The following USP30 variants were observed in gnomAD, a reference collection of about 807,000 sequenced individuals.
USP30 encodes the protein ubiquitin specific peptidase 30, also known as ubiquitin carboxyl-terminal hydrolase 30.
USP30 carries 41 observed loss-of-function variants against 68.2 expected under a neutral mutation model. That is an observed-to-expected ratio of 0.60 (90% CI 0.47 to 0.78). The LOEUF (loss-of-function observed/expected upper bound fraction) is 0.78, where lower values mean the gene tolerates loss of function less well. Among genes scored for constraint, USP30 ranks in the 30% least tolerant of loss-of-function variants. USP30 has a pLI of 0.00. For synonymous variants in USP30, 229 were observed against 253.7 expected, an observed-to-expected ratio of 0.90 and a Z score of 0.93; for missense variants, 522 against 649.4, an observed-to-expected ratio of 0.80 and a Z score of 2.13.
chr12:109,036,089 G>A (rs1365114300), intron 3 of USP30, among the ~76,000 whole-genome samples: 2 of 152,202 alleles, frequency 1.3e-5, no homozygotes, highest in African/African-American at 4.8e-5. Flanking sequence ...GAGACCAAGA[G>A]GTTGAGGCTG....
chr12:109,062,874 C>G (rs975774034), intron 3 of USP30, among the ~76,000 whole-genome samples: 4 of 152,164 alleles, frequency 2.6e-5, no homozygotes, highest in African/African-American at 9.7e-5. Context: ...CCACTCTCCC[C>G]TCCCCCTAGC....
rs2041978945 is a variant in USP30 at position 109,087,720 on chromosome 12, T to C, written c.*1789T>C. The C allele has an allele frequency of 6.6e-6, 1 of 152,468 alleles. No individual in the cohort carries two copies. The highest frequency in any genetic ancestry group is 2.1e-4 in the South Asian group (1 of 4,846). 9.4% of individuals were successfully genotyped at this position (152,468 alleles called of 1,614,324 possible). A position where few individuals can be genotyped will look rare whatever the true frequency, so the allele number is the denominator to read the frequency against. ...AGAAAAGGGGCTGAGCCTTGGAATA[T>C]ATGGTTATAAGCAGATCTTTCTTTG... On this transcript the variant is annotated 3_prime_UTR_variant, in exon 13 of 13. Coordinates refer to ENST00000257548, the MANE Select transcript of USP30 (RefSeq NM_032663.5).
chr12:109,055,400 A>ATATATATATATATTTTTTTTT (rs1298811530), intron 1 of USP30, among the ~76,000 whole-genome samples: 1 of 24,474 alleles, frequency 4.1e-5, no homozygotes, highest in African/African-American at 1.1e-4. Flanking sequence ...ATATATATAT[A>ATATATATATATATTTTTTTTT]TTTTTTTTTT....
chr12:109,057,663 C>G (rs186425035), intron 2 of USP30, among the ~76,000 whole-genome samples: 1 of 152,320 alleles, frequency 6.6e-6, no homozygotes, highest in East Asian at 1.9e-4. Context: ...TAGGAAGAAC[C>G]AAGCTGTGCT....
chr12:109,086,667 A>C lies in USP30; in HGVS notation c.*736A>C, dbSNP rs1295961355. 1 of 152,056 alleles carries C rather than the reference A, an allele frequency of 6.6e-6. No individual in the cohort carries two copies. The highest frequency in any genetic ancestry group is 2.4e-5 in the African/African-American group (1 of 41,358). 9.4% of individuals were successfully genotyped at this position (152,056 alleles called of 1,614,324 possible). On this transcript the variant is annotated 3_prime_UTR_variant, in exon 13 of 13. Coordinates refer to ENST00000257548, the MANE Select transcript of USP30 (RefSeq NM_032663.5). ...AGATGTAATTACACTGTATTATAAA[A>C]CTCTGTGAATAGCCAGAACTGAGCT...
chr12:109,048,937 G>A (rs1350580317), upstream of USP30, among the ~76,000 whole-genome samples: 1 of 152,134 alleles, frequency 6.6e-6, no homozygotes, highest in African/African-American at 2.4e-5. Context: ...CTGGTCAGCT[G>A]TTGTGTCTAA....
chr12:109,074,477 T>C (rs890841049), intron 7 of USP30, among the ~76,000 whole-genome samples: 14 of 152,332 alleles, frequency 9.2e-5, no homozygotes, highest in African/African-American at 2.6e-4. Context: ...GCTATGCCAT[T>C]TTTCATTCCC....
chr12:109,044,381 C>A (rs1032534263), intron 3 of USP30, among the ~76,000 whole-genome samples: 2 of 152,112 alleles, frequency 1.3e-5, no homozygotes, highest in African/African-American at 4.8e-5. Context: ...CTCACGCCTG[C>A]GATCTGAGCA....
intron 4 of USP30, among the ~76,000 whole-genome samples, chr12:109,067,976 AG>A (rs150207491): frequency 0.03 from 4,595 of 152,248 alleles, 225 homozygotes; most frequent in African/African-American, 0.11. Flanking sequence ...CCAGAGGTTT[AG>A]GTAAGATTTT....
At chr12:109,072,084 G>A (rs2041460653) in intron 5 of USP30, among the ~76,000 whole-genome samples, 1 of 152,144 alleles carries the variant, frequency 6.6e-6, no homozygotes, top group Non-Finnish European at 1.5e-5. Context: ...AAATATTCTG[G>A]AGAGAAGAAA....
chr12:109,071,922 G>A (rs1414048809), intron 5 of USP30, among the ~76,000 whole-genome samples: 4 of 152,126 alleles, frequency 2.6e-5, no homozygotes, highest in African/African-American at 9.7e-5. Context: ...ATTCATTGCT[G>A]CAATTTGTGT....
Position 109,058,074 on chromosome 12 carries a change from G to A in USP30, c.342G>A (p.Gln114=), listed in dbSNP as rs760866911. 1.9e-6 allele frequency: 3 copies of A among 1,613,554 alleles called. No individual in the cohort carries two copies. Among genetic ancestry groups the A allele is most frequent in the Non-Finnish European group, 2.5e-6 (3 of 1,179,842 alleles). ...ATCAGAAGGAGCCCCCCTCACACCA[G>A]TATTTATCCTTAACACTCTTGCACC... ...SRDQKEPPSH[Q]YLSLTLLHLL... is the part of the protein sequence containing the mutation. The change falls in exon 3 of 13, where the codon CAG becomes CAA. Residue 114 remains glutamine, a synonymous_variant. Transcript: ENST00000257548.
rs1449750900 is a variant in USP30, at chr12:109,056,797, A to G, written c.193+6A>G. The G allele has an allele frequency of 6.3e-7, 1 of 1,596,138 alleles. No homozygotes were observed. Among genetic ancestry groups the G allele is most frequent in the South Asian group, 1.1e-5 (1 of 89,488 alleles). On this transcript the variant is annotated splice_donor_region_variant and intron_variant, in intron 2 of 12. Coordinates refer to ENST00000257548, the MANE Select transcript of USP30 (RefSeq NM_032663.5). ...AAGAAAGAAGCGTAGAAAAGGTAAG[A>G]ATGAGAACACTGCATCATGGTCTGT...
intron 11 of USP30, 85 bp downstream of exon 11, chr12:109,083,147 T>A (rs538757846): frequency 4.0e-5 from 54 of 1,352,900 alleles, no homozygotes; most frequent in Non-Finnish European, 5.2e-5. Flanking sequence ...GGGTCCCTTA[T>A]GACAGGAGCA....
chr12:109,081,220 G>A, intron 7 of USP30, 114 bp from the exon 8 acceptor site: 1 of 918,314 alleles, frequency 1.1e-6, no homozygotes, highest in Non-Finnish European at 1.7e-6. Context: ...ATATTTTACT[G>A]TGTTAATGTT....
upstream of USP30, among the ~76,000 whole-genome samples, chr12:109,051,895 G>A (rs570798488): frequency 6.6e-6 from 1 of 152,166 alleles, no homozygotes; most frequent in East Asian, 1.9e-4. Context: ...ACTTTAATGT[G>A]GCTACTGGAA....
At position 109,085,979 on chromosome 12, in the gene USP30, C is replaced by T. The variant is rs1349930653; in HGVS notation, c.*48C>T. 4 of 1,576,656 alleles carry T rather than the reference C, an allele frequency of 2.5e-6. No homozygotes were observed. The highest frequency in any genetic ancestry group is 3.5e-6 in the Non-Finnish European group (4 of 1,159,180). Reference sequence around the variant, plus strand: ...AGCTGATGGCACTGTCTGCACTGTCCAGGAAAAAAGTAAAACTGTACTGTT... The same window carrying T: ...AGCTGATGGCACTGTCTGCACTGTCTAGGAAAAAAGTAAAACTGTACTGTT... On this transcript the variant is annotated 3_prime_UTR_variant, in exon 13 of 13. Coordinates refer to ENST00000257548, the MANE Select transcript of USP30 (RefSeq NM_032663.5).
At chr12:109,046,096 T>C (rs1245513951) in intron 3 of USP30, among the ~76,000 whole-genome samples, 1 of 132,952 alleles carries the variant, frequency 7.5e-6, no homozygotes, top group Non-Finnish European at 1.6e-5. Context: ...GTCAGTCTTT[T>C]TTTTTTTTTT....
At position 109,082,933 on chromosome 12, in the gene USP30, G is replaced by C. The variant is rs1465045131; in HGVS notation, c.1039G>C (p.Glu347Gln). Residue 347 changes from glutamate (E) to glutamine (Q), a missense_variant, in exon 11 of 13, where the codon GAG becomes CAG. Transcript: ENST00000257548. ...GCGGCATGAGCACGTGCAGTTCAAT[G>C]AGTTCCTGATGATGGACATTTACAA... ...LKRHEHVQFN[E>Q]FLMMDIYKYH... The C allele has an allele frequency of 6.2e-7, 1 of 1,614,234 alleles. No homozygotes were observed. The highest frequency in any genetic ancestry group is 8.5e-7 in the Non-Finnish European group (1 of 1,180,042).
Sources: gnomAD v4.1 joint callset for allele counts (sites outside exome capture counted in the v4.1 genomes callset) on GRCh38, gnomAD v4.1.1 for gene constraint, MANE v1.5 for transcripts, NCBI Gene and HGNC (gene_info 2026-07-23, HGNC 2026-07-21) for gene names.